The following RHBDF2 variants were observed in gnomAD, a reference collection of about 807,000 sequenced individuals.
RHBDF2 encodes the protein inactive rhomboid protein 2.
In RHBDF2, 38 loss-of-function variants were observed where a neutral mutation model predicts 95.2. The ratio of observed to expected loss-of-function variants is 0.40; its 90% CI spans 0.31 to 0.52. The LOEUF (loss-of-function observed/expected upper bound fraction) is 0.52. RHBDF2 is among the 20% of genes least tolerant of loss of function. The pLI is 0.56. For missense variants in RHBDF2, 863 were observed against 1,137.7 expected (o/e 0.76, Z 3.47); for synonymous variants, 442 against 462.0 (o/e 0.96, Z 0.55).
chr17:76,473,542 C>T (rs551896954), intron 15 of RHBDF2, 106 bp downstream of exon 15: 35 of 1,043,216 alleles, frequency 3.4e-5, no homozygotes, highest in East Asian at 1.6e-4. Context: ...TGGAGGGCAT[C>T]GGCCCAGCGG....
chr17:76,501,108 G>C (rs1032856713), intron 1 of RHBDF2: 2 of 152,236 alleles, frequency 1.3e-5, no homozygotes, highest in African/African-American at 4.8e-5. Flanking sequence ...CGTCCTGTCC[G>C]AGCCGAGCCC....
Position 76,471,662 on chromosome 17 carries a change from TC to T in RHBDF2, c.2454del (p.Lys819SerfsTer69). On this transcript the variant is annotated frameshift_variant, in exon 19 of 19. Transcript: ENST00000675367. LOFTEE classifies it high-confidence loss of function. ...TCFPFTSRFC[E>X]KYELDQVLH ...TGCAGCACCTGGTCCAGCTCATACT[TC>T]TCGCAGAAGCGGCTGGTGAAGGGGA... The T allele has an allele frequency of 6.2e-7, 1 of 1,608,552 alleles. No individual in the cohort carries two copies. Among genetic ancestry groups the T allele is most frequent in the Non-Finnish European group, 8.5e-7 (1 of 1,177,468 alleles).
chr17:76,496,433 C>T (rs1041362017), intron 1 of RHBDF2, among the ~76,000 whole-genome samples: 5 of 152,216 alleles, frequency 3.3e-5, no homozygotes, highest in Non-Finnish European at 7.3e-5. Flanking sequence ...CCACACTCTG[C>T]AGCCTCTTGC....
chr17:76,474,647 G>T, intron 11 of RHBDF2, 83 bp downstream of exon 11: 1 of 1,612,436 alleles, frequency 6.2e-7, no homozygotes, highest in Non-Finnish European at 8.5e-7. Context: ...CTGCGGGTGG[G>T]TGAGGAGCCC....
chr17:76,471,590 C>T lies in RHBDF2; in HGVS notation c.*43G>A. On this transcript the variant is annotated 3_prime_UTR_variant, in exon 19 of 19. Transcript: ENST00000675367. ...GCAGAGGGCAGCCCTCGCAGGCAGACCCTGTTCCAGCAGGGCTGAGGGGCA... is the reference window on the plus strand; with the variant it reads ...GCAGAGGGCAGCCCTCGCAGGCAGATCCTGTTCCAGCAGGGCTGAGGGGCA... The T allele has an allele frequency of 1.3e-6, 2 of 1,532,876 alleles. No individual in the cohort carries two copies. Among genetic ancestry groups the T allele is most frequent in the Non-Finnish European group, 1.8e-6 (2 of 1,137,900 alleles). 95.0% of individuals were successfully genotyped at this position (1,532,876 alleles called of 1,614,324 possible).
intron 4 of RHBDF2, 122 bp downstream of exon 4, chr17:76,479,611 A>G (rs1174291316): frequency 1.3e-6 from 1 of 768,146 alleles, no homozygotes; most frequent in African/African-American, 1.7e-5. Context: ...GACATTGCTC[A>G]TTAATGCCGG....
chr17:76,476,325 GCTT>G (rs2073771886), intron 9 of RHBDF2: 1 of 146,524 alleles, frequency 6.8e-6, no homozygotes, highest in Non-Finnish European at 1.5e-5. Context: ...CCCAGCCCCA[GCTT>G]CTTCTTTTAA....
Position 76,479,166 on chromosome 17 carries a change from C to T in RHBDF2, c.384G>A (p.Ser128=), listed in dbSNP as rs766956689. 1.6e-5 allele frequency: 25 copies of T among 1,612,688 alleles called. No individual in the cohort carries two copies. The South Asian group carries it at 1.9e-4, about 12-fold the overall frequency. ...TGGGGAGCTCCAGGTCACGCTGGCA[C>T]GAGGCCTTCAGGCGGCCGTAGCGCA... ...CSMRYGRLKA[S]CQRDLELPSQ... The change falls in exon 5 of 19, where the codon TCG becomes TCA. Residue 128 remains serine (S), a synonymous_variant. Coordinates refer to ENST00000675367, the MANE Select transcript of RHBDF2 (RefSeq NM_001005498.4).
Position 76,471,096 on chromosome 17 carries a change from C to T in RHBDF2, c.*537G>A, listed in dbSNP as rs1318338133. ...TTGTGTCTCCCCCCTTGTTCTCTGC[C>T]CCCAGACCATGGCCAAAGCCTTTCC... On this transcript the variant is annotated 3_prime_UTR_variant, in exon 19 of 19. Transcript: ENST00000675367. 6 of 158,520 alleles carry T rather than the reference C, an allele frequency of 3.8e-5. No individual in the cohort carries two copies. The East Asian group carries it at 9.4e-4, about 25-fold the overall frequency. 9.8% of individuals were successfully genotyped at this position (158,520 alleles called of 1,614,324 possible). A position where few individuals can be genotyped will look rare whatever the true frequency, so the allele number is the denominator to read the frequency against.
chr17:76,485,971 G>C (rs1172431208), intron 2 of RHBDF2, among the ~76,000 whole-genome samples: 1 of 152,070 alleles, frequency 6.6e-6, no homozygotes, highest in Non-Finnish European at 1.5e-5. Flanking sequence ...GGTGGGGACT[G>C]GGCAGGGGGT....
chr17:76,476,280 G>C (rs1299604992), intron 9 of RHBDF2: 1 of 152,404 alleles, frequency 6.6e-6, no homozygotes, highest in Non-Finnish European at 1.5e-5. Flanking sequence ...TCTTCCCCAA[G>C]GGCTCTGCAT....
chr17:76,483,953 C>T (rs907269882), intron 2 of RHBDF2, among the ~76,000 whole-genome samples: 10 of 152,104 alleles, frequency 6.6e-5, no homozygotes, highest in Admixed American at 5.9e-4. Context: ...GCCCCATGAC[C>T]GTCTTCTTGT....
chr17:76,495,193 C>G (rs935919652), intron 1 of RHBDF2, among the ~76,000 whole-genome samples: 1 of 152,206 alleles, frequency 6.6e-6, no homozygotes, highest in Non-Finnish European at 1.5e-5. Context: ...CAGCACAAGC[C>G]CAGCGGTTGG....
chr17:76,476,729 T>A lies in RHBDF2; in HGVS notation c.1115+101A>T, dbSNP rs954149469. 10 of 1,444,028 alleles carry A rather than the reference T, an allele frequency of 6.9e-6. No homozygotes were observed. In the East Asian group the frequency reaches 7.5e-5, roughly 11 times the overall value. 89.5% of individuals were successfully genotyped at this position (1,444,028 alleles called of 1,614,324 possible). A position where few individuals can be genotyped will look rare whatever the true frequency, so the allele number is the denominator to read the frequency against. ...TACACTCCTGATCCGCAGAAGATGC[T>A]CATGAAACACTTGCTGAATGAGTAA... On this transcript the variant is annotated intron_variant, in intron 9 of 18. Coordinates refer to ENST00000675367, the MANE Select transcript of RHBDF2 (RefSeq NM_001005498.4).
chr17:76,496,909 A>C (rs554852331), intron 1 of RHBDF2, among the ~76,000 whole-genome samples: 3 of 152,112 alleles, frequency 2.0e-5, no homozygotes, highest in East Asian at 1.9e-4. Context: ...CTACAGGTGC[A>C]TGCCACCACA....
intron 1 of RHBDF2, among the ~76,000 whole-genome samples, chr17:76,492,263 TGA>T (rs371175140): frequency 6.6e-6 from 1 of 152,060 alleles, no homozygotes; most frequent in Admixed American, 6.5e-5. Flanking sequence ...TCCCATGGGT[TGA>T]GGCCTCTGTA....
intron 2 of RHBDF2, among the ~76,000 whole-genome samples, chr17:76,483,858 T>G (rs2074043494): frequency 6.6e-6 from 1 of 152,208 alleles, no homozygotes; most frequent in Non-Finnish European, 1.5e-5. Context: ...CCTGTGCGTG[T>G]GCCACCAGTC....
rs2073818833 is a variant in RHBDF2 at position 76,477,711 on chromosome 17, C to T, written c.747G>A (p.Leu249=). 1 of 1,614,126 alleles carries T rather than the reference C, an allele frequency of 6.2e-7. No homozygotes were observed. Among genetic ancestry groups the T allele is most frequent in the African/African-American group, 1.3e-5 (1 of 75,072 alleles). Residue 249 remains leucine (L), a synonymous_variant, in exon 7 of 19, where the codon CTG becomes CTA. Transcript: ENST00000675367. ...CTGCCCCATCGACCACATCCTCCTC[C>T]AGGAAGCTCGGGAAGGCAAAGCTGC... ...VKRSFAFPSF[L]EEDVVDGADT... is the part of the protein sequence containing the mutation.
chr17:76,473,602 T>TC, intron 15 of RHBDF2, 46 bp downstream of exon 15: 1 of 1,504,702 alleles, frequency 6.6e-7, no homozygotes, highest in Non-Finnish European at 9.1e-7. Flanking sequence ...AAGCCGCAGC[T>TC]CGGGGGGGCA....
Sources: gnomAD v4.1 joint callset for allele counts (sites outside exome capture counted in the v4.1 genomes callset) on GRCh38, gnomAD v4.1.1 for gene constraint, MANE v1.5 for transcripts, NCBI Gene and HGNC (gene_info 2026-07-23, HGNC 2026-07-21) for gene names.